The following ELMO1 variants were observed in gnomAD, a reference collection of about 807,000 sequenced individuals.
ELMO1 encodes engulfment and cell motility protein 1.
In ELMO1, 26 loss-of-function variants were observed where a neutral mutation model predicts 98.9. The observed-to-expected ratio is 0.26, with a 90% CI of 0.19 to 0.36. The LOEUF (loss-of-function observed/expected upper bound fraction) is 0.36. Ranked by LOEUF, ELMO1 falls within the 10% of genes least tolerant of loss-of-function variation. ELMO1 has a pLI of 1.00. For synonymous variants in ELMO1, 346 were observed against 346.0 expected (o/e 1.00, Z 0.00); for missense variants, 627 against 935.2 (o/e 0.67, Z 4.30).
intron 16 of ELMO1, among the ~76,000 whole-genome samples, chr7:36,989,621 A>G (rs1791739935): frequency 6.6e-6 from 1 of 152,236 alleles, no homozygotes; most frequent in African/African-American, 2.4e-5. Context: ...ACAAAAGACC[A>G]TCTATATGAG....
intron 16 of ELMO1, among the ~76,000 whole-genome samples, chr7:36,896,938 C>A (rs539293517): frequency 6.6e-6 from 1 of 152,044 alleles, no homozygotes; most frequent in Admixed American, 6.6e-5. Flanking sequence ...TGGTGAGAGA[C>A]AAAGATATAG....
At chr7:36,937,180 T>C (rs192747253) in intron 16 of ELMO1, among the ~76,000 whole-genome samples, 1 of 152,230 alleles carries the variant, frequency 6.6e-6, no homozygotes, top group South Asian at 2.1e-4. Flanking sequence ...AATGTGACAC[T>C]ATTTGGAAAC....
Position 37,211,413 on chromosome 7 carries a change from C to T in ELMO1, c.1059G>A (p.Thr353=), listed in dbSNP as rs757164649. The T allele has an allele frequency of 2.0e-5, 32 of 1,613,894 alleles. No individual in the cohort carries two copies. The highest frequency in any genetic ancestry group is 9.9e-5 in the South Asian group (9 of 91,080). ...TGAACCCAAGCTTCTTATAATCTCGCGTGTACATGGACTTGCGTTTCTCCA... is the reference window on the plus strand; with the variant it reads ...TGAACCCAAGCTTCTTATAATCTCGTGTGTACATGGACTTGCGTTTCTCCA... ...GSMEKRKSMY[T]RDYKKLGFIN... The change falls in exon 13 of 22, where the codon ACG becomes ACA. Residue 353 remains threonine, a synonymous_variant. Coordinates refer to ENST00000310758, the MANE Select transcript of ELMO1 (RefSeq NM_014800.11).
intron 13 of ELMO1, among the ~76,000 whole-genome samples, chr7:37,183,690 A>G (rs545290495): frequency 1.3e-5 from 2 of 150,506 alleles, no homozygotes; most frequent in East Asian, 4.0e-4. Flanking sequence ...ACCTCCCTCA[A>G]CTTTCTCACT....
At chr7:36,975,502 G>T (rs1161430701) in intron 16 of ELMO1, among the ~76,000 whole-genome samples, 2 of 151,890 alleles carry the variant, frequency 1.3e-5, no homozygotes, top group African/African-American at 4.8e-5. Flanking sequence ...CATCAAAGTT[G>T]AAATAGTTTC....
intron 15 of ELMO1, among the ~76,000 whole-genome samples, chr7:37,061,404 A>C (rs1796658582): frequency 6.6e-6 from 1 of 152,202 alleles, no homozygotes; most frequent in South Asian, 2.1e-4. Flanking sequence ...CAAAGAATAC[A>C]GCAGGCCTAA....
chr7:37,372,163 C>T (rs1409518733), intron 1 of ELMO1, among the ~76,000 whole-genome samples: 1 of 151,810 alleles, frequency 6.6e-6, no homozygotes, highest in South Asian at 2.1e-4. Context: ...TTCCAAAACT[C>T]TAATTTATTA....
intron 15 of ELMO1, among the ~76,000 whole-genome samples, chr7:37,050,987 A>G (rs1458041914): frequency 6.6e-6 from 1 of 152,198 alleles, no homozygotes; most frequent in East Asian, 1.9e-4. Flanking sequence ...AGGGCTTCAG[A>G]CAGGATGCCC....
At chr7:37,429,015 T>G (rs971198583) in intron 1 of ELMO1, among the ~76,000 whole-genome samples, 1 of 113,846 alleles carries the variant, frequency 8.8e-6, no homozygotes, top group Non-Finnish European at 1.8e-5. Context: ...GCACACGTAC[T>G]GCAGGTTGTT....
chr7:37,003,331 T>C (rs61151146), intron 16 of ELMO1, among the ~76,000 whole-genome samples: 24,372 of 152,032 alleles, frequency 0.16, 2,523 homozygotes, highest in Middle Eastern at 0.31. Flanking sequence ...GAGATGAGCA[T>C]GGGCAACATA....
chr7:36,905,970 A>C (rs1225202819), intron 16 of ELMO1, among the ~76,000 whole-genome samples: 1 of 152,248 alleles, frequency 6.6e-6, no homozygotes, highest in East Asian at 1.9e-4. Context: ...TAAGCTGTTA[A>C]ATAGTGACAA....
intron 2 of ELMO1, among the ~76,000 whole-genome samples, chr7:37,333,606 A>C (rs1430713153): frequency 6.6e-6 from 1 of 152,244 alleles, no homozygotes; most frequent in East Asian, 1.9e-4. Flanking sequence ...CAAATTTTTA[A>C]GATTTTATGA....
rs532833160 is a variant in ELMO1, at chr7:37,392,820, C to A, written c.-73-50057G>T. On this transcript the variant is annotated intron_variant, in intron 1 of 21. Coordinates refer to ENST00000310758, the MANE Select transcript of ELMO1 (RefSeq NM_014800.11). ...CTTGATGATATTTCCTACAGTAAAT[C>A]ATCAAATTGGCCTCTGGCTCCCCAG... Among the ~76,000 whole-genome samples the A allele has an allele frequency of 1.6e-4, 25 of 152,324 alleles. No individual in the cohort carries two copies. The South Asian group carries it at 4.1e-3, about 25-fold the overall frequency.
intron 16 of ELMO1, among the ~76,000 whole-genome samples, chr7:36,921,113 C>T (rs1194780626): frequency 6.6e-6 from 1 of 151,370 alleles, no homozygotes; most frequent in Non-Finnish European, 1.5e-5. Flanking sequence ...GAGCCTTTGC[C>T]AGGCACCACA....
chr7:37,270,133 A>G (rs1469180996), intron 5 of ELMO1: 1 of 152,206 alleles, frequency 6.6e-6, no homozygotes, highest in East Asian at 1.9e-4. Flanking sequence ...AAACACATAA[A>G]ACAATGGTGT....
intron 1 of ELMO1, among the ~76,000 whole-genome samples, chr7:37,399,846 C>T (rs544009298): frequency 6.6e-6 from 1 of 152,296 alleles, no homozygotes; most frequent in East Asian, 1.9e-4. Context: ...GCTCCACACA[C>T]GGCATAAACC....
intron 15 of ELMO1, among the ~76,000 whole-genome samples, chr7:37,034,024 T>C (rs1055416161): frequency 2.6e-5 from 4 of 152,226 alleles, no homozygotes; most frequent in Non-Finnish European, 5.9e-5. Flanking sequence ...GATATACGTT[T>C]AGGAGATGAA....
In ELMO1 at chr7:36,925,570, G is replaced by A. The variant is rs542185890; in HGVS notation, c.1438-30553C>T. 8.5e-5 allele frequency among the ~76,000 whole-genome samples: 13 copies of A among 152,256 alleles called. 1 individual carries two copies. In the South Asian group the frequency reaches 2.3e-3, roughly 27 times the overall value. On this transcript the variant is annotated intron_variant, in intron 16 of 21. Coordinates refer to ENST00000310758, the MANE Select transcript of ELMO1 (RefSeq NM_014800.11). ...TGGGTCCCTATATTGCCCCCAACCC[G>A]TTTCAATTTTCCTGGGGCCCCAGTG... is the stretch of plus-strand genomic sequence containing the variant.
intron 15 of ELMO1, among the ~76,000 whole-genome samples, chr7:37,075,476 G>A (rs17170864): frequency 0.031 from 4,735 of 152,000 alleles, 122 homozygotes; most frequent in African/African-American, 0.067. Context: ...TATTTTAAAC[G>A]GAACATTATC....
Sources: allele counts gnomAD v4.1 joint callset (sites outside exome capture counted in the v4.1 genomes callset), GRCh38; gene constraint gnomAD v4.1.1; transcripts MANE v1.5; gene names NCBI Gene and HGNC (gene_info 2026-07-23, HGNC 2026-07-21).